The following ZNF568 variants were observed in gnomAD, a reference collection of about 807,000 sequenced individuals.
ZNF568 encodes the protein p53 inhibitor of SCO2 activation.
A neutral mutation model predicts 18.1 loss-of-function variants in ZNF568; 11 were observed. The observed-to-expected ratio is 0.61, with a 90% CI of 0.38 to 1.00. The LOEUF (loss-of-function observed/expected upper bound fraction) is 1.00, where lower values mean the gene tolerates loss of function less well. Ranked by LOEUF, ZNF568 falls within the 50% of genes least tolerant of loss-of-function variation. ZNF568 has a pLI of 0.01. For missense variants in ZNF568, 639 were observed against 768.2 expected, an observed-to-expected ratio of 0.83 and a Z score of 1.99; for synonymous variants, 213 against 246.6, an observed-to-expected ratio of 0.86 and a Z score of 1.28.
At chr19:36,977,690 G>A (rs2074297299) in intron 7 of ZNF568, among the ~76,000 whole-genome samples, 2 of 152,172 alleles carry the variant, frequency 1.3e-5, no homozygotes, top group South Asian at 2.1e-4. Context: ...TGGGGAGGAA[G>A]CTTCAGTTCC....
intron 4 of ZNF568, 70 bp from the exon 5 acceptor site, chr19:36,936,676 G>GT: frequency 6.7e-7 from 1 of 1,500,918 alleles, no homozygotes; most frequent in Non-Finnish European, 9.0e-7. Context: ...AGCTAAACAA[G>GT]TTCTTGTATG....
At chr19:36,936,638 G>A (rs961783932) in intron 4 of ZNF568, 108 bp from the exon 5 acceptor site, 14 of 1,028,212 alleles carry the variant, frequency 1.4e-5, no homozygotes, top group Non-Finnish European at 1.9e-5. Flanking sequence ...TCTTCTTCTA[G>A]TACTCCTACC....
At chr19:36,968,313 A>T (rs1361327155) in intron 6 of ZNF568, among the ~76,000 whole-genome samples, 1 of 152,058 alleles carries the variant, frequency 6.6e-6, no homozygotes, top group Non-Finnish European at 1.5e-5. Flanking sequence ...AGTGGCTCAC[A>T]CCTGTAATCC....
rs1474419330 is a variant in ZNF568 at position 36,950,070 on chromosome 19, A to T, written c.917A>T (p.Tyr306Phe). The T allele has an allele frequency of 6.2e-7, 1 of 1,613,888 alleles. No homozygotes were observed. Among genetic ancestry groups the T allele is most frequent in the Non-Finnish European group, 8.5e-7 (1 of 1,179,940 alleles). ...HHRIHTGEKP[Y>F]ACKDCWKAFS... is the part of the protein sequence containing the mutation. Reference sequence around the variant, plus strand: ...AGAATTCATACTGGGGAGAAACCTTATGCATGTAAGGATTGTTGGAAAGCC... The same window carrying T: ...AGAATTCATACTGGGGAGAAACCTTTTGCATGTAAGGATTGTTGGAAAGCC... The change falls in exon 7 of 7, where the codon TAT becomes TTT. Residue 306 changes from tyrosine to phenylalanine, a missense_variant. Physicochemically the swap from Tyr to Phe is conservative, Grantham distance 22. Coordinates refer to ENST00000333987, the MANE Select transcript of ZNF568 (RefSeq NM_198539.4).
Position 36,971,914 on chromosome 19 carries a change from A to G in ZNF568, c.359-2506A>G, listed in dbSNP as rs373936569. ...GAGTGCAGTGGTACAGTCTCGGCTC[A>G]CTGCAACCTCCGCCTCCCAGATTCA... On this transcript the variant is annotated intron_variant, in intron 6 of 7. Transcript: ENST00000427117. Among the ~76,000 whole-genome samples, 332 of 145,584 alleles carry G rather than the reference A, an allele frequency of 2.3e-3. 2 individuals are homozygous for G. Among genetic ancestry groups the G allele is most frequent in the African/African-American group, 8.4e-3 (324 of 38,578 alleles).
chr19:36,936,912 C>G, intron 5 of ZNF568, 40 bp downstream of exon 5: 1 of 1,601,902 alleles, frequency 6.2e-7, no homozygotes, highest in Non-Finnish European at 8.5e-7. Flanking sequence ...ACAGAGAATT[C>G]TTTTCCATTT....
chr19:36,919,335 A>G (rs1337597204), intron 2 of ZNF568, among the ~76,000 whole-genome samples: 3 of 152,164 alleles, frequency 2.0e-5, no homozygotes, highest in Non-Finnish European at 4.4e-5. Flanking sequence ...TGTGCCATAT[A>G]TGTATGGACT....
At chr19:36,941,270 TATC>T (rs2073875207) in intron 6 of ZNF568, among the ~76,000 whole-genome samples, 1 of 152,200 alleles carries the variant, frequency 6.6e-6, no homozygotes, top group African/African-American at 2.4e-5. Context: ...GTAGGAATGT[TATC>T]ATTTTGGGTG....
Position 36,948,658 on chromosome 19 carries a change from ATTTTTTTTT to A in ZNF568, c.359-837_359-829del, listed in dbSNP as rs4069585. On this transcript the variant is annotated intron_variant, in intron 6 of 6. Coordinates refer to ENST00000333987, the MANE Select transcript of ZNF568 (RefSeq NM_198539.4). Reference sequence around the variant, plus strand: ...TTGCAGCAGGGGTTTTTTGTTGTTGATTTTTTTTTTTTTTTTTTTTTTTTTCAGATTTCC... The same window carrying A: ...TTGCAGCAGGGGTTTTTTGTTGTTGATTTTTTTTTTTTTTTTCAGATTTCC... 1.1e-3 allele frequency among the ~76,000 whole-genome samples: 95 copies of A among 83,572 alleles called. 2 individuals carry two copies. Among genetic ancestry groups the A allele is most frequent in the Admixed American group, 2.5e-3 (18 of 7,102 alleles). 54.8% of individuals were successfully genotyped at this position (83,572 alleles called of 152,430 possible).
Position 36,950,796 on chromosome 19 carries a change from A to C in ZNF568, c.1643A>C (p.His548Pro). 5.0e-6 allele frequency: 8 copies of C among 1,613,736 alleles called. No homozygotes were observed. The highest frequency in any genetic ancestry group is 6.8e-6 in the Non-Finnish European group (8 of 1,179,984). The change falls in exon 7 of 7, where the codon CAT becomes CCT. Residue 548 changes from histidine (H) to proline (P), a missense_variant. Transcript: ENST00000333987. ...AFSQRQNLLE[H>P]EKIHTGEKPF... The stretch of plus-strand genomic sequence containing the variant: ...AGTCAGAGACAAAATCTTCTTGAGC[A>C]TGAAAAAATTCATACTGGAGAGAAA...
At chr19:36,986,773 T>C (rs150750068) in intron 2 of ZNF568, among the ~76,000 whole-genome samples, 1 of 152,298 alleles carries the variant, frequency 6.6e-6, no homozygotes, top group African/African-American at 2.4e-5. Context: ...GCTGCTCCTC[T>C]CTTCCCATTC....
Position 36,951,050 on chromosome 19 carries a change from A to C in ZNF568, c.1897A>C (p.Lys633Gln), listed in dbSNP as rs2074053021. 2 of 1,590,096 alleles carry C rather than the reference A, an allele frequency of 1.3e-6. No individual in the cohort carries two copies. Among genetic ancestry groups the C allele is most frequent in the Non-Finnish European group, 1.7e-6 (2 of 1,170,820 alleles). ...FSQRASLSIHKRGHTGERHQV... is the reference protein window; with the variant it reads ...FSQRASLSIHQRGHTGERHQV... ...TCAAAGAGCATCCCTTTCTATACAT[A>C]AGAGAGGTCATACAGGTGAGAGACA... The change falls in exon 7 of 7, where the codon AAG becomes CAG. Residue 633 changes from lysine to glutamine, a missense_variant. Coordinates refer to ENST00000333987, the MANE Select transcript of ZNF568 (RefSeq NM_198539.4).
rs1463063132 is a variant in ZNF568, at chr19:36,996,918, G to T, written c.831G>T (p.Gln277His). 6 of 1,538,242 alleles carry T rather than the reference G, an allele frequency of 3.9e-6. No individual in the cohort carries two copies. The South Asian group carries it at 7.1e-5, about 18-fold the overall frequency. ...GGAAAGCCTTTCCATCCACTGCACA[G>T]CTTAATCTACATCAGAGGATCCATA... The change falls in exon 5 of 5, where the codon CAG becomes CAT. Residue 277 changes from glutamine to histidine, a missense_variant. Coordinates refer to the ZNF568 transcript ENST00000433993.
At chr19:36,986,710 A>G (rs1225652279) in intron 2 of ZNF568, among the ~76,000 whole-genome samples, 2 of 152,132 alleles carry the variant, frequency 1.3e-5, no homozygotes, top group Non-Finnish European at 2.9e-5. Context: ...ACGTAGAGCC[A>G]GAGTCATGGG....
intron 6 of ZNF568, among the ~76,000 whole-genome samples, chr19:36,958,139 G>C (rs371338371): frequency 1.3e-5 from 2 of 152,090 alleles, no homozygotes; most frequent in Non-Finnish European, 2.9e-5. Flanking sequence ...TGATTGTGGT[G>C]TATAATTCTT....
intron 4 of ZNF568, among the ~76,000 whole-genome samples, chr19:36,930,769 T>C (rs973066871): frequency 6.6e-6 from 1 of 152,184 alleles, no homozygotes; most frequent in Non-Finnish European, 1.5e-5. Flanking sequence ...AGAATTCCAC[T>C]TTATAGATGA....
Position 36,949,585 on chromosome 19 carries a change from G to A in ZNF568, c.432G>A (p.Lys144=), listed in dbSNP as rs760978139. 3 of 1,613,188 alleles carry A rather than the reference G, an allele frequency of 1.9e-6. No individual in the cohort carries two copies. Among genetic ancestry groups the A allele is most frequent in the Non-Finnish European group, 2.5e-6 (3 of 1,179,640 alleles). The part of the protein sequence containing the change: ...TLVRKVTSIS[K]KILIKEKVIE... ...TGAGGAAAGTCACATCCATCTCCAAGAAAATTCTGATAAAGGAAAAAGTCA... is the reference window on the plus strand; with the variant it reads ...TGAGGAAAGTCACATCCATCTCCAAAAAAATTCTGATAAAGGAAAAAGTCA... The change falls in exon 7 of 7, where the codon AAG becomes AAA. Residue 144 remains lysine, a synonymous_variant. Transcript: ENST00000333987.
chr19:36,959,764 T>G (rs2074133945), intron 6 of ZNF568, among the ~76,000 whole-genome samples: 1 of 152,142 alleles, frequency 6.6e-6, no homozygotes, highest in African/African-American at 2.4e-5. Context: ...ATATCTGTTT[T>G]CCCTAGGTTT....
chr19:36,991,992 C>G, intron 4 of ZNF568: 1 of 623,000 alleles, frequency 1.6e-6, no homozygotes, highest in Non-Finnish European at 2.6e-6. Context: ...GTTGTAATCC[C>G]AGCAGTTTGG....
Sources: gnomAD v4.1 joint callset for allele counts (sites outside exome capture counted in the v4.1 genomes callset) on GRCh38, gnomAD v4.1.1 for gene constraint, MANE v1.5 for transcripts, NCBI Gene and HGNC (gene_info 2026-07-23, HGNC 2026-07-21) for gene names.